NRXN3: variants seen among roughly 807,000 people sequenced by gnomAD.
NRXN3 encodes neurexin 3.
In NRXN3, 32 loss-of-function variants were observed where a neutral mutation model predicts 137.6. That is an observed-to-expected ratio of 0.23 (90% confidence interval 0.18 to 0.31). NRXN3 has a LOEUF of 0.31. Ranked by LOEUF, NRXN3 falls within the 10% of genes least tolerant of loss-of-function variation. The pLI, the probability that NRXN3 is intolerant of heterozygous loss-of-function variation, is 1.00. For missense variants in NRXN3, 1,574 were observed against 2,062.5 expected (o/e 0.76, Z 4.59); for synonymous variants, 798 against 784.5 (o/e 1.02, Z -0.29).
intron 8 of NRXN3, among the ~76,000 whole-genome samples, chr14:78,725,296 C>T (rs958978471): frequency 6.6e-5 from 10 of 152,232 alleles, no homozygotes; most frequent in Admixed American, 5.9e-4. Flanking sequence ...AAGGCTGGCA[C>T]ATTGTTTATC....
In NRXN3 at chr14:78,269,386, A is replaced by T. The variant is rs75435999; in HGVS notation, c.710-9259A>T. On this transcript the variant is annotated intron_variant, in intron 2 of 20. Transcript: ENST00000335750. The stretch of plus-strand genomic sequence containing the variant: ...GATTCCACTTATATGGGGTACCTAG[A>T]ATGGTCAAGTTCATAGACATTGAAA... 2.1e-4 allele frequency among the ~76,000 whole-genome samples: 32 copies of T among 152,346 alleles called. No homozygotes were observed. In the East Asian group the frequency reaches 6.2e-3, roughly 29 times the overall value.
intron 8 of NRXN3, among the ~76,000 whole-genome samples, chr14:78,766,812 A>G (rs1239302105): frequency 6.6e-6 from 1 of 152,184 alleles, no homozygotes; most frequent in East Asian, 1.9e-4. Flanking sequence ...GTTATTAATT[A>G]TATTGGGCAG....
At position 78,641,029 on chromosome 14, in the gene NRXN3, G is replaced by A. The variant is rs890630560; in HGVS notation, c.758-4091G>A. ...CCTATTTAGCTTGAATAAATACAAG[G>A]TGACTGCATTGTCTCTTCAACCTAC... On this transcript the variant is annotated intron_variant, in intron 4 of 20. Coordinates refer to ENST00000335750, the MANE Select transcript of NRXN3 (RefSeq NM_001330195.2). Among the ~76,000 whole-genome samples, 4 of 152,080 alleles carry A rather than the reference G, an allele frequency of 2.6e-5. No homozygotes were observed. The South Asian group carries it at 8.3e-4, about 32-fold the overall frequency.
At chr14:78,260,357 G>T (rs1472983431) in intron 2 of NRXN3, among the ~76,000 whole-genome samples, 1 of 152,166 alleles carries the variant, frequency 6.6e-6, no homozygotes, top group Non-Finnish European at 1.5e-5. Flanking sequence ...CACTGTTCTT[G>T]GACTGGCTCT....
chr14:79,255,446 G>A (rs914588373), intron 15 of NRXN3, among the ~76,000 whole-genome samples: 8 of 152,194 alleles, frequency 5.3e-5, no homozygotes, highest in African/African-American at 1.9e-4. Flanking sequence ...CAGAGATATT[G>A]GGTTCCAATC....
At chr14:78,333,387 G>T (rs1177041992) in intron 4 of NRXN3, among the ~76,000 whole-genome samples, 1 of 152,182 alleles carries the variant, frequency 6.6e-6, no homozygotes, top group Non-Finnish European at 1.5e-5. Flanking sequence ...TAGGAATTGA[G>T]GATGTATCAG....
intron 8 of NRXN3, among the ~76,000 whole-genome samples, chr14:78,749,238 A>T (rs2098629378): frequency 6.6e-6 from 1 of 152,210 alleles, no homozygotes; most frequent in Admixed American, 6.5e-5. Flanking sequence ...GGTTCTAGAA[A>T]TGCACAGAAA....
chr14:79,538,761 A>T (rs1277193888), intron 16 of NRXN3, among the ~76,000 whole-genome samples: 1 of 152,138 alleles, frequency 6.6e-6, no homozygotes, highest in African/African-American at 2.4e-5. Flanking sequence ...TGGGTAGGTT[A>T]TTTGGTCTGA....
intron 20 of NRXN3, among the ~76,000 whole-genome samples, chr14:79,828,032 G>T (rs1316363025): frequency 1.3e-5 from 2 of 152,120 alleles, no homozygotes; most frequent in African/African-American, 4.8e-5. Context: ...TCACTGTCAT[G>T]AGGACAGCAC....
intron 15 of NRXN3, among the ~76,000 whole-genome samples, chr14:79,285,358 G>A (rs1278347319): frequency 6.6e-6 from 1 of 152,206 alleles, no homozygotes; most frequent in Non-Finnish European, 1.5e-5. Flanking sequence ...AACTCTGGGT[G>A]ACCAGGGAGG....
intron 4 of NRXN3, among the ~76,000 whole-genome samples, chr14:78,482,375 C>T (rs561128428): frequency 1.1e-4 from 17 of 152,298 alleles, no homozygotes; most frequent in Admixed American, 2.6e-4. Context: ...CCAGGGCTAT[C>T]CTGTCTCATA....
chr14:78,267,805 C>A (rs1342666378), intron 2 of NRXN3, among the ~76,000 whole-genome samples: 2 of 152,196 alleles, frequency 1.3e-5, no homozygotes, highest in African/African-American at 2.4e-5. Flanking sequence ...TAATAGAAGA[C>A]CATGTAGGAC....
At chr14:78,193,456 G>A (rs7147217) in intron 1 of NRXN3, among the ~76,000 whole-genome samples, 58,641 of 151,944 alleles carry the variant, frequency 0.39, 12,568 homozygotes, top group Middle Eastern at 0.5. Context: ...GGAGTCTGCT[G>A]GAGGGTAAGG....
chr14:79,811,273 T>C (rs28505721), intron 20 of NRXN3, among the ~76,000 whole-genome samples: 16,013 of 152,240 alleles, frequency 0.11, 1,145 homozygotes, highest in African/African-American at 0.19. Context: ...TAATCTAAGA[T>C]AAGCATTTTA....
intron 15 of NRXN3, among the ~76,000 whole-genome samples, chr14:79,004,765 GC>G (rs2099548864): frequency 6.6e-6 from 1 of 152,154 alleles, no homozygotes; most frequent in Non-Finnish European, 1.5e-5. Context: ...AGTGAAGGAT[GC>G]TTTTTTCCTA....
At chr14:79,686,771 C>G (rs937876570) in intron 17 of NRXN3, among the ~76,000 whole-genome samples, 2 of 152,110 alleles carry the variant, frequency 1.3e-5, no homozygotes, top group Admixed American at 1.3e-4. Context: ...ACTAGCACAG[C>G]CTAGAGTTGG....
Position 78,953,754 on chromosome 14 carries a change from A to ATT in NRXN3, c.2276-3480_2276-3479dup, listed in dbSNP as rs11387043. ...TAAGCAGCCTCAAGAGAATCAAAGG[A>ATT]TTTTTTTTTGTGATCAATATTTATT... On this transcript the variant is annotated intron_variant, in intron 10 of 20. Transcript: ENST00000335750. Among the ~76,000 whole-genome samples, 25 of 151,616 alleles carry ATT rather than the reference A, an allele frequency of 1.6e-4. No homozygotes were observed. In the East Asian group the frequency reaches 1.9e-3, roughly 12 times the overall value.
At chr14:79,152,017 A>G (rs2153035224) in intron 15 of NRXN3, among the ~76,000 whole-genome samples, 2 of 152,150 alleles carry the variant, frequency 1.3e-5, no homozygotes, top group South Asian at 4.1e-4. Context: ...ACAATTAGAC[A>G]TATTTCATCC....
intron 6 of NRXN3, chr14:78,697,776 G>T (rs2098241773): frequency 6.6e-6 from 1 of 151,888 alleles, no homozygotes; most frequent in South Asian, 2.1e-4. Flanking sequence ...TTGTCAGTTT[G>T]CACCCAACTC....
Sources: gnomAD v4.1 joint callset for allele counts (sites outside exome capture counted in the v4.1 genomes callset) on GRCh38, gnomAD v4.1.1 for gene constraint, MANE v1.5 for transcripts, NCBI Gene and HGNC (gene_info 2026-07-23, HGNC 2026-07-21) for gene names.